Variants in VPS45 observed in about 807,000 individuals in gnomAD.
VPS45 encodes the protein vacuolar protein sorting 45 homolog, also known as vacuolar protein sorting-associated protein 45.
Under a neutral mutation model 75.9 loss-of-function variants are expected in VPS45, and 35 were observed. The ratio of observed to expected loss-of-function variants is 0.46; its 90% CI spans 0.35 to 0.61. VPS45 has a LOEUF of 0.61. Ranked by LOEUF, VPS45 falls within the 20% of genes least tolerant of loss-of-function variation. The pLI, the probability that VPS45 is intolerant of heterozygous loss-of-function variation, is 0.00. For missense variants in VPS45, 559 were observed against 685.9 expected, an observed-to-expected ratio of 0.81 and a Z score of 2.07; for synonymous variants, 220 against 238.2, an observed-to-expected ratio of 0.92 and a Z score of 0.70.
chr1:150,103,489 T>TG (rs1300189354), intron 13 of VPS45, among the ~76,000 whole-genome samples: 6 of 152,232 alleles, frequency 3.9e-5, no homozygotes, highest in African/African-American at 1.4e-4. Flanking sequence ...GGTACACAAT[T>TG]GAGCCAAGCT....
In VPS45 at chr1:150,081,332, C is replaced by A. The variant is rs1553799289; in HGVS notation, c.688-10C>A. ...TCAGTTACCTTTTTTTTTCATAATT[C>A]TTTATTTAGTGGACATATCAGGCCA... On this transcript the variant is annotated splice_polypyrimidine_tract_variant and intron_variant, in intron 7 of 14. Transcript: ENST00000644510. The A allele has an allele frequency of 1.3e-6, 2 of 1,565,732 alleles. No individual in the cohort carries two copies. Among genetic ancestry groups the A allele is most frequent in the Non-Finnish European group, 1.7e-6 (2 of 1,164,160 alleles).
chr1:150,116,648 A>G (rs1487371652), intron 14 of VPS45, among the ~76,000 whole-genome samples: 1 of 152,168 alleles, frequency 6.6e-6, no homozygotes, highest in South Asian at 2.1e-4. Context: ...TAGGGTGCAG[A>G]AGGTTTTATT....
chr1:150,097,368 G>C (rs1656723432), intron 13 of VPS45, among the ~76,000 whole-genome samples: 1 of 150,722 alleles, frequency 6.6e-6, no homozygotes, highest in African/African-American at 2.4e-5. Context: ...GCCTCCCAAA[G>C]TGCTGGGATT....
upstream of VPS45, chr1:150,067,702 A>C: frequency 1.4e-6 from 1 of 702,788 alleles, no homozygotes; most frequent in Non-Finnish European, 2.5e-6. Flanking sequence ...TGTACACTCC[A>C]GCGGAACTAC....
intron 14 of VPS45, among the ~76,000 whole-genome samples, chr1:150,120,968 C>T (rs895581981): frequency 1.3e-5 from 2 of 150,648 alleles, no homozygotes; most frequent in Admixed American, 6.6e-5. Flanking sequence ...CCTGGGTTCA[C>T]GCCATTCTCC....
rs1654806620 is a variant in VPS45, at chr1:150,067,811, A to G, written c.-47A>G. 2 of 1,594,572 alleles carry G rather than the reference A, an allele frequency of 1.3e-6. No homozygotes were observed. The highest frequency in any genetic ancestry group is 2.2e-5 in the East Asian group (1 of 44,718). On this transcript the variant is annotated 5_prime_UTR_variant, in exon 1 of 15. Coordinates refer to ENST00000644510, the MANE Select transcript of VPS45 (RefSeq NM_007259.5). Reference sequence around the variant, plus strand: ...CAACAGACTGGGGGTTAATTTAGCCAGAAAAGGGGGCGGGAAGGGCTGTAG... The same window carrying G: ...CAACAGACTGGGGGTTAATTTAGCCGGAAAAGGGGGCGGGAAGGGCTGTAG...
intron 14 of VPS45, among the ~76,000 whole-genome samples, chr1:150,118,621 G>A (rs1234578794): frequency 1.3e-5 from 2 of 152,110 alleles, no homozygotes; most frequent in African/African-American, 2.4e-5. Context: ...GGCCAGGCTG[G>A]TCTCGAACTC....
intron 14 of VPS45, among the ~76,000 whole-genome samples, chr1:150,123,845 A>G (rs74124307): frequency 0.027 from 4,115 of 152,292 alleles, 145 homozygotes; most frequent in African/African-American, 0.089. Context: ...CATTGCTTGA[A>G]CACTATGTGA....
At chr1:150,082,583 A>G (rs1655778244) in intron 9 of VPS45, 133 bp from the exon 10 acceptor site, 2 of 1,079,348 alleles carry the variant, frequency 1.9e-6, no homozygotes, top group Non-Finnish European at 2.7e-6. Context: ...ACAAAATGCC[A>G]TGTGGCTGAA....
At chr1:150,079,336 T>C (rs1655567471) in intron 7 of VPS45, among the ~76,000 whole-genome samples, 1 of 152,146 alleles carries the variant, frequency 6.6e-6, no homozygotes, top group Non-Finnish European at 1.5e-5. Flanking sequence ...GCAGACTGAG[T>C]CTCACCAGTG....
chr1:150,080,253 C>G lies in VPS45; in HGVS notation c.688-1089C>G, dbSNP rs587761389. 1.8e-3 allele frequency among the ~76,000 whole-genome samples: 269 copies of G among 150,840 alleles called. 1 individual carries two copies. Among genetic ancestry groups the G allele is most frequent in the African/African-American group, 6.2e-3 (256 of 41,082 alleles). ...CTCCGCCTCCTGGGTTCAAGTGATT[C>G]CCTGCCTCAGCCTCCTGAGTAGCTT... On this transcript the variant is annotated intron_variant, in intron 7 of 14. Transcript: ENST00000644510.
At chr1:150,082,023 C>T (rs1173012926) in intron 9 of VPS45, 26 bp downstream of exon 9, 3 of 1,435,944 alleles carry the variant, frequency 2.1e-6, no homozygotes, top group Admixed American at 1.7e-5. Flanking sequence ...ACATGAATGA[C>T]AAACATGTGA....
intron 3 of VPS45, among the ~76,000 whole-genome samples, chr1:150,074,015 T>TG (rs1655227770): frequency 7.3e-5 from 1 of 13,658 alleles, no homozygotes; most frequent in African/African-American, 1.5e-4. Flanking sequence ...GTGTTGTTTT[T>TG]GTTTTTTTTT....
At chr1:150,072,443 A>G (rs1655130545) in intron 3 of VPS45, among the ~76,000 whole-genome samples, 2 of 152,152 alleles carry the variant, frequency 1.3e-5, no homozygotes, top group Admixed American at 6.5e-5. Context: ...CGGGCGGATC[A>G]TCTGAGGAGT....
At chr1:150,076,063 A>AATAT (rs71825614) in intron 3 of VPS45, among the ~76,000 whole-genome samples, 170 bp from the exon 4 acceptor site, 271 of 140,048 alleles carry the variant, frequency 1.9e-3, no homozygotes, top group Middle Eastern at 0.018. Flanking sequence ...GTCCTTTTAA[A>AATAT]ATATATATAT....
chr1:150,084,359 G>GA, intron 10 of VPS45, among the ~76,000 whole-genome samples: 1 of 152,072 alleles, frequency 6.6e-6, no homozygotes. Context: ...CTTTAGAGGT[G>GA]AAAAAACAGG....
At chr1:150,122,841 A>T (rs972265261) in intron 14 of VPS45, among the ~76,000 whole-genome samples, 2 of 151,992 alleles carry the variant, frequency 1.3e-5, no homozygotes, top group African/African-American at 4.8e-5. Context: ...TGTACTACAA[A>T]TACAAAAATT....
At chr1:150,121,447 G>C (rs1227965084) in intron 14 of VPS45, among the ~76,000 whole-genome samples, 1 of 152,158 alleles carries the variant, frequency 6.6e-6, no homozygotes, top group African/African-American at 2.4e-5. Flanking sequence ...GGTCTATGCA[G>C]GTTTGCAGTG....
At chr1:150,095,131 G>A (rs1019800214) in intron 13 of VPS45, among the ~76,000 whole-genome samples, 3 of 152,136 alleles carry the variant, frequency 2.0e-5, no homozygotes, top group South Asian at 2.1e-4. Context: ...CAAGGTACCC[G>A]CCCTCAAAGA....
Sources: allele counts gnomAD v4.1 joint callset (sites outside exome capture counted in the v4.1 genomes callset), GRCh38; gene constraint gnomAD v4.1.1; transcripts MANE v1.5; gene names NCBI Gene and HGNC (gene_info 2026-07-23, HGNC 2026-07-21).